SNX1: variants seen among roughly 807,000 people sequenced by gnomAD.
SNX1 encodes sorting nexin-1.
Under a neutral mutation model 71.8 loss-of-function variants are expected in SNX1, and 36 were observed. The observed-to-expected ratio is 0.50, with a 90% confidence interval of 0.38 to 0.66. The LOEUF (loss-of-function observed/expected upper bound fraction) is 0.66, where lower values mean the gene tolerates loss of function less well. SNX1 is among the 30% of genes least tolerant of loss of function. The probability of loss-of-function intolerance (pLI) is 0.00; values close to 1 mark genes in which losing one functional copy is unlikely to be tolerated. For missense variants in SNX1, 612 were observed against 646.7 expected, an observed-to-expected ratio of 0.95 and a Z score of 0.58; for synonymous variants, 254 against 240.7, an observed-to-expected ratio of 1.06 and a Z score of -0.51.
At chr15:64,122,237 A>T (rs2081203309) in intron 4 of SNX1, among the ~76,000 whole-genome samples, 1 of 151,864 alleles carries the variant, frequency 6.6e-6, no homozygotes, top group Non-Finnish European at 1.5e-5. Flanking sequence ...TGAAATTTTG[A>T]ATATTACTTC....
At chr15:64,108,063 G>A (rs1268971214) in intron 1 of SNX1, among the ~76,000 whole-genome samples, 1 of 151,926 alleles carries the variant, frequency 6.6e-6, no homozygotes, top group Non-Finnish European at 1.5e-5. Context: ...CGTAGTGGTG[G>A]GCGCCTGTAG....
Position 64,127,735 on chromosome 15 carries a change from C to T in SNX1, c.736C>T (p.Leu246Phe), listed in dbSNP as rs761479506. 5 of 1,613,356 alleles carry T rather than the reference C, an allele frequency of 3.1e-6. No individual in the cohort carries two copies. Among genetic ancestry groups the T allele is most frequent in the Non-Finnish European group, 4.2e-6 (5 of 1,179,444 alleles). ...EKRRAALERY[L>F]QRIVNHPTML... ...TGATAACTGCTTACCTTTTAGGTAC[C>T]TTCAGAGGATTGTAAATCATCCTAC... The change falls in exon 8 of 15, where the codon CTT becomes TTT. Residue 246 changes from leucine to phenylalanine, a missense_variant. Leu to Phe is a conservative substitution (Grantham distance 22). Transcript: ENST00000559844.
In SNX1 at chr15:64,112,575, T is replaced by C. The variant is rs2081087209; in HGVS notation, c.162T>C (p.Ser54=). ...EDIFTGAAVV[S]KHQSPKITTS... ...TCAGAGTATCTCTTTGTTTTCAGAG[T>C]AAACATCAGTCTCCAAAGATAACTA... is the stretch of plus-strand genomic sequence containing the variant. Residue 54 remains serine, a splice_region_variant and synonymous_variant, in exon 2 of 15, where the codon AGT becomes AGC. Coordinates refer to ENST00000559844, the MANE Select transcript of SNX1 (RefSeq NM_003099.5). 2 of 1,587,020 alleles carry C rather than the reference T, an allele frequency of 1.3e-6. No homozygotes were observed. Among genetic ancestry groups the C allele is most frequent in the South Asian group, 2.3e-5 (2 of 88,666 alleles).
At chr15:64,110,392 C>A (rs530098607) in intron 1 of SNX1, among the ~76,000 whole-genome samples, 5 of 151,982 alleles carry the variant, frequency 3.3e-5, no homozygotes, top group Non-Finnish European at 7.4e-5. Flanking sequence ...GTTTTAATCA[C>A]AGTTTGGGTT....
intron 1 of SNX1, among the ~76,000 whole-genome samples, chr15:64,105,982 A>G (rs1473369632): frequency 2.0e-5 from 3 of 152,228 alleles, no homozygotes; most frequent in Non-Finnish European, 4.4e-5. Flanking sequence ...TGTATGAAAT[A>G]AAATACATTA....
intron 13 of SNX1, 88 bp downstream of exon 13, chr15:64,136,498 G>C: frequency 8.5e-7 from 1 of 1,174,434 alleles, no homozygotes. Flanking sequence ...TGGGTAAAGA[G>C]AGAGGTGCCA....
At chr15:64,119,734 A>AC in intron 4 of SNX1, among the ~76,000 whole-genome samples, 1 of 108,370 alleles carries the variant, frequency 9.2e-6, no homozygotes, top group African/African-American at 2.5e-5. Flanking sequence ...AAAAAAAAAA[A>AC]AAAACACACA....
At chr15:64,118,759 C>T (rs1218902887) in intron 3 of SNX1, 29 bp from the exon 4 acceptor site, 1 of 1,553,926 alleles carries the variant, frequency 6.4e-7, no homozygotes, top group Non-Finnish European at 8.9e-7. Context: ...TTCATATCAA[C>T]TCTCATGATT....
chr15:64,098,782 CCT>C (rs2080928637), intron 1 of SNX1, among the ~76,000 whole-genome samples: 1 of 151,766 alleles, frequency 6.6e-6, no homozygotes, highest in African/African-American at 2.4e-5. Context: ...GTTATCAATA[CCT>C]CTTTTTTGTA....
At chr15:64,126,733 C>T (rs745496487) in intron 6 of SNX1, among the ~76,000 whole-genome samples, 5 of 152,132 alleles carry the variant, frequency 3.3e-5, no homozygotes, top group Admixed American at 6.5e-5. Context: ...GTGCCCGCCA[C>T]CATGCCCAGC....
At chr15:64,116,192 T>C (rs574345440) in intron 2 of SNX1, among the ~76,000 whole-genome samples, 1 of 152,298 alleles carries the variant, frequency 6.6e-6, no homozygotes, top group Non-Finnish European at 1.5e-5. Flanking sequence ...AAGAAAATCA[T>C]AGGAAGGGAA....
intron 6 of SNX1, 117 bp from the exon 7 acceptor site, chr15:64,127,057 G>T: frequency 1.4e-6 from 1 of 724,660 alleles, no homozygotes. Flanking sequence ...ACATAGAAGT[G>T]GCCTTAGGCT....
At chr15:64,101,552 T>C (rs1178595778) in intron 1 of SNX1, among the ~76,000 whole-genome samples, 1 of 152,262 alleles carries the variant, frequency 6.6e-6, no homozygotes, top group Admixed American at 6.5e-5. Flanking sequence ...TTGTAAATAG[T>C]GCTGATGTCA....
In SNX1 at chr15:64,129,102, C is replaced by T. The variant is rs2081281521; in HGVS notation, c.808-814C>T. ...TCTCTACTAAAAATACAAAAATTAG[C>T]GGGTCGTGGTGGCGGGCACCTATAA... is the stretch of plus-strand genomic sequence containing the variant. On this transcript the variant is annotated intron_variant, in intron 8 of 14. Coordinates refer to ENST00000559844, the MANE Select transcript of SNX1 (RefSeq NM_003099.5). This position sits in a 1 kb window ranked among gnomAD's most constrained non-coding sequence, Gnocchi z 4.4. 6.6e-6 allele frequency among the ~76,000 whole-genome samples: 1 copy of T among 152,036 alleles called. No individual in the cohort carries two copies. The highest frequency in any genetic ancestry group is 1.5e-5 in the Non-Finnish European group (1 of 68,004).
At chr15:64,113,387 G>C (rs1021110375) in intron 2 of SNX1, among the ~76,000 whole-genome samples, 1 of 152,198 alleles carries the variant, frequency 6.6e-6, no homozygotes, top group East Asian at 1.9e-4. Flanking sequence ...GGTTGTCACA[G>C]CTGGTGGTAG....
intron 1 of SNX1, among the ~76,000 whole-genome samples, chr15:64,100,604 CA>C (rs34663775): frequency 1.6e-3 from 164 of 102,566 alleles, no homozygotes; most frequent in African/African-American, 9.1e-3. Context: ...AACTCCATCT[CA>C]AAAAAAAAAA....
chr15:64,137,869 T>C lies in SNX1; in HGVS notation c.*251T>C. 1 of 1,402,686 alleles carries C rather than the reference T, an allele frequency of 7.1e-7. No individual in the cohort carries two copies. The highest frequency in any genetic ancestry group is 9.2e-7 in the Non-Finnish European group (1 of 1,081,844). The allele number at this position is 1,402,686 out of a possible 1,614,324, so 86.9% of individuals were successfully genotyped here. A position where few individuals can be genotyped will look rare whatever the true frequency, so the allele number is the denominator to read the frequency against. On this transcript the variant is annotated 3_prime_UTR_variant, in exon 15 of 15. Transcript: ENST00000559844. ...TACAATAGGTGGTGGAATTATGGGA[T>C]GGGGTGGAGTATTGATATAAATATA...
Position 64,136,347 on chromosome 15 carries a change from T to G in SNX1, c.1383T>G (p.Thr461=). Residue 461 remains threonine, a synonymous_variant, in exon 13 of 15, where the codon ACT becomes ACG. Transcript: ENST00000559844. ...CTTCCCAGTGGGAGTCTCGGGTGAC[T>G]CAATATGAAAGGGACTTCGAGAGGA... ...DEILEWESRV[T]QYERDFERIS... The G allele has an allele frequency of 6.2e-7, 1 of 1,613,904 alleles. No homozygotes were observed. Among genetic ancestry groups the G allele is most frequent in the East Asian group, 2.2e-5 (1 of 44,882 alleles).
rs2081160379 is a variant in SNX1, at chr15:64,118,799, A to C, written c.411A>C (p.Glu137Asp). ...PQPTYEELEE[E>D]EQEDQFDLTV... ...TTTTCTTGAAAAAGCTAGAGGAAGA[A>C]GAACAGGAGGATCAATTTGATTTGA... Residue 137 changes from glutamate to aspartate, a missense_variant, in exon 4 of 15, where the codon GAA (glutamate) becomes GAC (aspartate). This residue lies in a region of SNX1 where 316 missense variants were observed against 284.9 expected (regional missense o/e 1.11). Transcript: ENST00000559844. 6.2e-7 allele frequency: 1 copy of C among 1,613,176 alleles called. No individual in the cohort carries two copies. Among genetic ancestry groups the C allele is most frequent in the South Asian group, 1.1e-5 (1 of 90,980 alleles).
Sources: allele counts gnomAD v4.1 joint callset (sites outside exome capture counted in the v4.1 genomes callset), GRCh38; gene constraint gnomAD v4.1.1; regional missense constraint gnomAD v4.1.1; non-coding constraint Gnocchi (gnomAD v3.1); transcripts MANE v1.5; gene names NCBI Gene and HGNC (gene_info 2026-07-23, HGNC 2026-07-21).